RBM25: variants seen among roughly 807,000 people sequenced by gnomAD.
RBM25 encodes the protein RNA binding motif protein 25.
In RBM25, 19 loss-of-function variants were observed where a neutral mutation model predicts 120.7. The observed-to-expected ratio is 0.16, with a 90% CI of 0.11 to 0.23. RBM25 has a LOEUF of 0.23. RBM25 is among the 10% of genes least tolerant of loss of function. The probability of loss-of-function intolerance (pLI) is 1.00; values close to 1 mark genes in which losing one functional copy is unlikely to be tolerated. For missense variants in RBM25, 605 were observed against 1,041.5 expected, an observed-to-expected ratio of 0.58 and a Z score of 5.77; for synonymous variants, 390 against 326.7, an observed-to-expected ratio of 1.19 and a Z score of -2.09.
chr14:73,103,946 T>TCACACACACA (rs1566597468), intron 10 of RBM25, among the ~76,000 whole-genome samples: 3 of 43,870 alleles, frequency 6.8e-5, no homozygotes, highest in Admixed American at 2.3e-4. Context: ...TCTCTCTCTC[T>TCACACACACA]CTCACACACA....
rs777576351 is a variant in RBM25, at chr14:73,106,000, C to G, written c.1296C>G (p.Asp432Glu). Residue 432 changes from aspartate to glutamate, a missense_variant, in exon 11 of 19, where the codon GAC (aspartate) becomes GAG (glutamate). Asp to Glu is a conservative substitution (Grantham distance 45). Coordinates refer to ENST00000261973, the MANE Select transcript of RBM25 (RefSeq NM_021239.3). ...EREREKDKKR[D>E]REEDEEDAYE... ...AAAGAGAAAAAGACAAAAAACGGGA[C>G]CGAGAAGAAGATGAAGAAGATGCAT... 1.9e-6 allele frequency: 3 copies of G among 1,613,028 alleles called. No homozygotes were observed. Among genetic ancestry groups the G allele is most frequent in the Non-Finnish European group, 1.7e-6 (2 of 1,179,714 alleles).
intron 17 of RBM25, among the ~76,000 whole-genome samples, chr14:73,113,118 G>A (rs1419732986): frequency 2.0e-5 from 3 of 151,976 alleles, no homozygotes; most frequent in African/African-American, 7.2e-5. Flanking sequence ...TTCTCCTAAT[G>A]CTCTCCCTCC....
intron 9 of RBM25, chr14:73,101,269 G>A (rs1285028248): frequency 6.6e-6 from 1 of 152,346 alleles, no homozygotes; most frequent in Non-Finnish European, 1.5e-5. Context: ...ACCTTTGCAT[G>A]TTTTGGTATG....
chr14:73,083,423 T>G (rs1374071903), intron 4 of RBM25, 71 bp from the exon 5 acceptor site: 8 of 1,195,290 alleles, frequency 6.7e-6, no homozygotes, highest in Non-Finnish European at 8.0e-6. Context: ...GAAATATAAT[T>G]TTGCTTTTAG....
Position 73,076,344 on chromosome 14 carries a change from G to T in RBM25, c.132G>T (p.Met44Ile). Reference protein sequence around the residue: ...PPGTPMIPVPMSIMAPAPTVL... With the variant: ...PPGTPMIPVPISIMAPAPTVL... ...GGACCCCAATGATTCCTGTACCAATGAGCATTATGGCTCCTGCTCCAACTG... is the reference window on the plus strand; with the variant it reads ...GGACCCCAATGATTCCTGTACCAATTAGCATTATGGCTCCTGCTCCAACTG... The change falls in exon 3 of 19, where the codon ATG (methionine) becomes ATT (isoleucine). Residue 44 changes from methionine (M) to isoleucine (I), a missense_variant. Transcript: ENST00000261973. The T allele has an allele frequency of 6.2e-7, 1 of 1,612,174 alleles. No individual in the cohort carries two copies. The highest frequency in any genetic ancestry group is 1.1e-5 in the South Asian group (1 of 91,012).
intron 1 of RBM25, among the ~76,000 whole-genome samples, chr14:73,063,757 A>G (rs1895062125): frequency 6.6e-6 from 1 of 151,258 alleles, no homozygotes; most frequent in Non-Finnish European, 1.5e-5. Flanking sequence ...GTTCCCTTCC[A>G]GGCTTAACAC....
chr14:73,072,679 GT>G (rs1895323030), intron 2 of RBM25, among the ~76,000 whole-genome samples: 1 of 152,164 alleles, frequency 6.6e-6, no homozygotes, highest in Non-Finnish European at 1.5e-5. Context: ...GCTGGGTGTG[GT>G]GGTGCGTGTC....
At chr14:73,091,850 C>T (rs1158464469) in intron 6 of RBM25, among the ~76,000 whole-genome samples, 1 of 151,968 alleles carries the variant, frequency 6.6e-6, no homozygotes, top group Non-Finnish European at 1.5e-5. Flanking sequence ...TGCAGTCCAG[C>T]CTGGGTGACA....
At chr14:73,077,623 CT>C in intron 4 of RBM25, 87 bp downstream of exon 4, 1 of 1,250,430 alleles carries the variant, frequency 8.0e-7, no homozygotes, top group South Asian at 1.6e-5. Context: ...TCAGTGATTG[CT>C]TTTTATTTTA....
intron 14 of RBM25, 82 bp from the exon 15 acceptor site, chr14:73,110,749 A>G (rs1896294722): frequency 2.7e-6 from 4 of 1,481,908 alleles, no homozygotes; most frequent in Non-Finnish European, 3.6e-6. Context: ...TCATAAAGAT[A>G]TTTTACAAGA....
chr14:73,099,607 C>T lies in RBM25; in HGVS notation c.784-60C>T, dbSNP rs1275717366. On this transcript the variant is annotated intron_variant, in intron 8 of 18. Coordinates refer to ENST00000261973, the MANE Select transcript of RBM25 (RefSeq NM_021239.3). ...CCTATACAGAATATCTAACCTTTAA[C>T]TGTTTATATTGAAGTAGGGTGTTCT... 39 of 1,585,754 alleles carry T rather than the reference C, an allele frequency of 2.5e-5. No individual in the cohort carries two copies. In the East Asian group the frequency reaches 8.5e-4, roughly 35 times the overall value.
intron 10 of RBM25, 51 bp from the exon 11 acceptor site, chr14:73,105,808 T>C (rs1896173669): frequency 6.3e-7 from 1 of 1,584,670 alleles, no homozygotes; most frequent in African/African-American, 1.4e-5. Context: ...ACTTTGGTCT[T>C]GAAAACAGAA....
intron 5 of RBM25, among the ~76,000 whole-genome samples, chr14:73,087,290 C>T (rs1366489272): frequency 6.6e-6 from 1 of 152,006 alleles, no homozygotes; most frequent in Non-Finnish European, 1.5e-5. Flanking sequence ...TGTAATTTAA[C>T]ATCTCAGAAT....
intron 10 of RBM25, among the ~76,000 whole-genome samples, chr14:73,103,948 T>TCTCTCTCTCTCTCTCTCTCACACACACA (rs1594928335): frequency 1.1e-5 from 1 of 91,348 alleles, no homozygotes; most frequent in Non-Finnish European, 2.4e-5. Context: ...TCTCTCTCTC[T>TCTCTCTCTCTCTCTCTCTCACACACACA]CACACACACA....
chr14:73,071,697 C>G lies in RBM25; in HGVS notation c.56C>G (p.Pro19Arg). The G allele has an allele frequency of 6.2e-7, 1 of 1,614,054 alleles. No individual in the cohort carries two copies. The highest frequency in any genetic ancestry group is 2.2e-5 in the East Asian group (1 of 44,868). The stretch of plus-strand genomic sequence containing the variant: ...CCCATGGGAATCCCAGCACTCCCAC[C>G]AGGGATCCCACCCCCGCAGTTTCCA... Reference protein sequence around the residue: ...RPPMGIPALPPGIPPPQFPGF... With the variant: ...RPPMGIPALPRGIPPPQFPGF... Residue 19 changes from proline (P) to arginine (R), a missense_variant, in exon 2 of 19, where the codon CCA becomes CGA. Coordinates refer to ENST00000261973, the MANE Select transcript of RBM25 (RefSeq NM_021239.3).
intron 18 of RBM25, among the ~76,000 whole-genome samples, chr14:73,115,447 TA>T (rs1252128471): frequency 6.6e-6 from 1 of 152,230 alleles, no homozygotes; most frequent in Non-Finnish European, 1.5e-5. Flanking sequence ...GTTCCTGTGT[TA>T]GTTTGCTAAG....
rs1345273400 is a variant in RBM25, at chr14:73,059,862, T to C, written c.-16+1157T>C. ...TTTGTTCCTCTGTAAAATGAATTTA[T>C]AGTAGTATCTATACGTTATTGGGGT... On this transcript the variant is annotated intron_variant, in intron 1 of 18. Transcript: ENST00000261973. Among the ~76,000 whole-genome samples, 3 of 152,182 alleles carry C rather than the reference T, an allele frequency of 2.0e-5. No individual in the cohort carries two copies. The East Asian group carries it at 5.8e-4, about 29-fold the overall frequency.
chr14:73,059,675 C>T (rs901361427), intron 1 of RBM25, among the ~76,000 whole-genome samples: 1 of 152,104 alleles, frequency 6.6e-6, no homozygotes, highest in African/African-American at 2.4e-5. Flanking sequence ...GTCTTTGGAG[C>T]TTTTAATTTT....
At chr14:73,106,864 G>A (rs1341394711) in intron 12 of RBM25, among the ~76,000 whole-genome samples, 1 of 147,878 alleles carries the variant, frequency 6.8e-6, no homozygotes, top group Non-Finnish European at 1.5e-5. Context: ...TTGTGGAGAC[G>A]GAGTGTTGCT....
Sources: gnomAD v4.1 joint callset for allele counts (sites outside exome capture counted in the v4.1 genomes callset) on GRCh38, gnomAD v4.1.1 for gene constraint, MANE v1.5 for transcripts, NCBI Gene and HGNC (gene_info 2026-07-23, HGNC 2026-07-21) for gene names.